The following RYR3 variants were observed in gnomAD, a reference collection of about 807,000 sequenced individuals.
The protein encoded by RYR3 is brain ryanodine receptor-calcium release channel.
Under a neutral mutation model 584.3 loss-of-function variants are expected in RYR3, and 207 were observed. The ratio of observed to expected loss-of-function variants is 0.35; its 90% confidence interval spans 0.32 to 0.40. The LOEUF (loss-of-function observed/expected upper bound fraction) is 0.40. RYR3 is among the 10% of genes least tolerant of loss of function. The pLI is 1.00. For synonymous variants in RYR3, 2,416 were observed against 2,248.5 expected (o/e 1.07, Z -2.11); for missense variants, 5,616 against 6,089.2 (o/e 0.92, Z 2.59).
chr15:33,816,565 C>T (rs1051830509), intron 74 of RYR3, among the ~76,000 whole-genome samples: 2 of 152,156 alleles, frequency 1.3e-5, no homozygotes, highest in Non-Finnish European at 2.9e-5. Flanking sequence ...TGATTGATTT[C>T]TCATTGGAGA....
intron 43 of RYR3, among the ~76,000 whole-genome samples, chr15:33,718,208 G>T (rs530599959): frequency 2.0e-5 from 3 of 152,300 alleles, no homozygotes; most frequent in Non-Finnish European, 4.4e-5. Flanking sequence ...AGGACTAATT[G>T]AAATCTGAGG....
At position 33,865,212 on chromosome 15, in the gene RYR3, G is replaced by A. The variant is rs767355524; in HGVS notation, c.14599G>A (p.Asp4867Asn). 25 of 1,612,762 alleles carry A rather than the reference G, an allele frequency of 1.6e-5. No individual in the cohort carries two copies. The Admixed American group carries it at 3.0e-4, about 19-fold the overall frequency. Reference protein sequence around the residue: ...AGDCFRKQYEDQLG With the variant: ...AGDCFRKQYENQLG ...TGACTGCTTTCGTAAACAATATGAAGATCAGCTTGGATAAATCTGAATCAA... is the reference window on the plus strand; with the variant it reads ...TGACTGCTTTCGTAAACAATATGAAAATCAGCTTGGATAAATCTGAATCAA... Residue 4867 changes from aspartate (D) to asparagine (N), a missense_variant, in exon 104 of 104, where the codon GAT becomes AAT. Transcript: ENST00000634891.
chr15:33,516,083 A>C (rs76725116), intron 3 of RYR3, among the ~76,000 whole-genome samples: 15,325 of 152,210 alleles, frequency 0.1, 1,091 homozygotes, highest in East Asian at 0.29. Flanking sequence ...TATTTGTATT[A>C]AACTATGTTT....
In RYR3 at chr15:33,598,138, C is replaced by T. The variant is rs563678641; in HGVS notation, c.1789-3281C>T. On this transcript the variant is annotated intron_variant, in intron 16 of 103. Transcript: ENST00000634891. ...TAAACATAAAATTAAACTACACCTT[C>T]CTTAAAAACCCAAGAGTAGCCTCTG... 7.2e-4 allele frequency among the ~76,000 whole-genome samples: 108 copies of T among 149,176 alleles called. 1 individual carries two copies. Among genetic ancestry groups the T allele is most frequent in the Non-Finnish European group, 1.3e-3 (86 of 67,676 alleles).
intron 36 of RYR3, among the ~76,000 whole-genome samples, chr15:33,668,935 AATT>A (rs1412995822): frequency 6.6e-6 from 1 of 152,186 alleles, no homozygotes; most frequent in Non-Finnish European, 1.5e-5. Context: ...TCTTCCATAT[AATT>A]ACAATGCACC....
chr15:33,450,358 G>T (rs1035996857), intron 1 of RYR3, among the ~76,000 whole-genome samples: 1 of 152,160 alleles, frequency 6.6e-6, no homozygotes, highest in African/African-American at 2.4e-5. Context: ...AAGGCTAGAA[G>T]GCAGAGAGGG....
At chr15:33,365,217 T>A (rs1302717597) in intron 1 of RYR3, among the ~76,000 whole-genome samples, 1 of 152,218 alleles carries the variant, frequency 6.6e-6, no homozygotes, top group African/African-American at 2.4e-5. Context: ...GGCCACAGTG[T>A]TTATCCATGT....
chr15:33,855,328 A>G (rs945812231), intron 98 of RYR3, among the ~76,000 whole-genome samples: 18 of 152,052 alleles, frequency 1.2e-4, no homozygotes, highest in African/African-American at 4.3e-4. Flanking sequence ...CTCAGCCTCC[A>G]GAGTAGCTGG....
At chr15:33,854,485 C>T (rs1237684705) in intron 97 of RYR3, 36 bp downstream of exon 97, 1 of 1,508,366 alleles carries the variant, frequency 6.6e-7, no homozygotes, top group Non-Finnish European at 9.0e-7. Flanking sequence ...AATTCTATAC[C>T]CCAGTTCAGG....
chr15:33,743,231 C>T (rs2070344089), intron 52 of RYR3, among the ~76,000 whole-genome samples: 1 of 152,148 alleles, frequency 6.6e-6, no homozygotes, highest in South Asian at 2.1e-4. Flanking sequence ...TGGATGTAGG[C>T]TCAGCTCGTC....
chr15:33,794,603 T>C (rs1235745447), intron 67 of RYR3, among the ~76,000 whole-genome samples: 2 of 152,100 alleles, frequency 1.3e-5, no homozygotes. Context: ...CAGAGTATGT[T>C]GTACTTATGC....
intron 7 of RYR3, among the ~76,000 whole-genome samples, chr15:33,542,366 A>G (rs1401500523): frequency 4.6e-5 from 7 of 152,164 alleles, no homozygotes; most frequent in Non-Finnish European, 1.0e-4. Context: ...CTCCATCATG[A>G]GATGAACGAG....
At chr15:33,515,319 T>A (rs1454732585) in intron 3 of RYR3, among the ~76,000 whole-genome samples, 1 of 152,172 alleles carries the variant, frequency 6.6e-6, no homozygotes, top group African/African-American at 2.4e-5. Flanking sequence ...AATGAGCAAC[T>A]GCTGTTCCCA....
At chr15:33,376,149 A>G (rs1441910056) in intron 1 of RYR3, among the ~76,000 whole-genome samples, 1 of 152,152 alleles carries the variant, frequency 6.6e-6, no homozygotes, top group Non-Finnish European at 1.5e-5. Context: ...CGCCCCAGAG[A>G]CGACCACATT....
At chr15:33,529,640 T>C (rs1451028732) in intron 3 of RYR3, among the ~76,000 whole-genome samples, 1 of 152,194 alleles carries the variant, frequency 6.6e-6, no homozygotes, top group African/African-American at 2.4e-5. Context: ...GGAGGGCTTA[T>C]GCTCAAATAT....
At chr15:33,710,681 C>G (rs1251396107) in intron 43 of RYR3, among the ~76,000 whole-genome samples, 1 of 152,160 alleles carries the variant, frequency 6.6e-6, no homozygotes, top group East Asian at 1.9e-4. Context: ...TTCCATACAT[C>G]CTCTGAAATC....
At chr15:33,510,951 G>A (rs1311247861) in intron 3 of RYR3, among the ~76,000 whole-genome samples, 1 of 152,004 alleles carries the variant, frequency 6.6e-6, no homozygotes, top group East Asian at 1.9e-4. Context: ...TTCATTTTTG[G>A]ACTGGCCTTT....
chr15:33,388,089 G>A (rs2141255584), intron 1 of RYR3, among the ~76,000 whole-genome samples: 1 of 152,266 alleles, frequency 6.6e-6, no homozygotes, highest in Middle Eastern at 3.4e-3. Flanking sequence ...GGGATAAAGA[G>A]AAACATTTAT....
In RYR3 at chr15:33,633,101, T is replaced by G. The variant is rs1165588868; in HGVS notation, c.3020T>G (p.Ile1007Ser). ...ATAAAACAAGGATGGACCTATGGCA[T>G]CCAACAGGTAAGAAATTCTGGGTCA... ...DRIKQGWTYGIQQDLKNKRNP... is the reference protein window; with the variant it reads ...DRIKQGWTYGSQQDLKNKRNP... Residue 1007 changes from isoleucine to serine, a missense_variant, in exon 24 of 104, where the codon ATC becomes AGC. Ile to Ser is a moderately radical substitution (Grantham distance 142, BLOSUM62 -2). Around this residue, in one of 9 missense-constraint regions of RYR3, gnomAD observed 1,284 missense variants for 1,344.6 expected, o/e 0.95. Transcript: ENST00000634891. 2.0e-5 allele frequency: 33 copies of G among 1,611,910 alleles called. No individual in the cohort carries two copies. Among genetic ancestry groups the G allele is most frequent in the Non-Finnish European group, 2.8e-5 (33 of 1,178,826 alleles).
Sources: allele counts gnomAD v4.1 joint callset (sites outside exome capture counted in the v4.1 genomes callset), GRCh38; gene constraint gnomAD v4.1.1; regional missense constraint gnomAD v4.1.1; transcripts MANE v1.5; gene names NCBI Gene and HGNC (gene_info 2026-07-23, HGNC 2026-07-21).